The following CAMTA1 variants were observed in gnomAD, a reference collection of about 807,000 sequenced individuals.
CAMTA1 encodes the protein calmodulin-binding transcription activator 1.
In CAMTA1, 27 loss-of-function variants were observed where a neutral mutation model predicts 170.9. The observed-to-expected ratio is 0.16, with a 90% CI of 0.12 to 0.22. CAMTA1 has a LOEUF of 0.22. Ranked by LOEUF, CAMTA1 falls within the 10% of genes least tolerant of loss-of-function variation. The pLI is 1.00. For synonymous variants in CAMTA1, 833 were observed against 891.5 expected (o/e 0.93, Z 1.17); for missense variants, 1,619 against 2,217.2 (o/e 0.73, Z 5.42).
At chr1:7,082,296 G>A (rs1640115940) in intron 3 of CAMTA1, among the ~76,000 whole-genome samples, 1 of 152,110 alleles carries the variant, frequency 6.6e-6, no homozygotes, top group African/African-American at 2.4e-5. Context: ...AAATTAGCTG[G>A]ACATTGTGGT....
At chr1:7,651,286 A>G (rs2095847353) in intron 7 of CAMTA1, among the ~76,000 whole-genome samples, 1 of 152,142 alleles carries the variant, frequency 6.6e-6, no homozygotes, top group African/African-American at 2.4e-5. Context: ...AGCCCTCCAG[A>G]AAAGGACACT....
intron 3 of CAMTA1, among the ~76,000 whole-genome samples, chr1:6,954,875 C>T (rs1689166937): frequency 6.6e-6 from 1 of 152,082 alleles, no homozygotes; most frequent in African/African-American, 2.4e-5. Flanking sequence ...GGGGAGCAGC[C>T]TCGTCTATGG....
intron 6 of CAMTA1, among the ~76,000 whole-genome samples, chr1:7,536,327 T>C (rs904313440): frequency 1.1e-4 from 17 of 152,292 alleles, no homozygotes; most frequent in African/African-American, 4.1e-4. Context: ...ACTCAGCACT[T>C]TCAGGGTGAG....
chr1:7,459,387 G>C (rs1357097844), intron 5 of CAMTA1, among the ~76,000 whole-genome samples: 2 of 152,148 alleles, frequency 1.3e-5, no homozygotes, highest in Non-Finnish European at 2.9e-5. Context: ...CTGCGTTCAG[G>C]GTACCCTGGG....
At chr1:6,974,095 C>T (rs189800693) in intron 3 of CAMTA1, among the ~76,000 whole-genome samples, 20 of 152,302 alleles carry the variant, frequency 1.3e-4, no homozygotes, top group African/African-American at 4.6e-4. Context: ...CTGGAGCTTA[C>T]TGGGGGCCCA....
intron 5 of CAMTA1, among the ~76,000 whole-genome samples, chr1:7,363,268 A>G (rs1236567099): frequency 6.6e-6 from 1 of 152,238 alleles, no homozygotes; most frequent in African/African-American, 2.4e-5. Context: ...GTTCAGCTGC[A>G]GTGAATTCTT....
chr1:7,261,074 T>C (rs1283088288), intron 5 of CAMTA1, among the ~76,000 whole-genome samples: 1 of 152,204 alleles, frequency 6.6e-6, no homozygotes, highest in Non-Finnish European at 1.5e-5. Flanking sequence ...TATTATTAAA[T>C]CTGGAATGGG....
intron 21 of CAMTA1, 111 bp from the exon 22 acceptor site, chr1:7,755,527 C>G (rs2096925941): frequency 1.1e-6 from 1 of 882,412 alleles, no homozygotes; most frequent in South Asian, 1.5e-5. Context: ...TCTTTCTTTC[C>G]AAAAAAGAAA....
chr1:7,676,805 A>C (rs536925809), intron 10 of CAMTA1, among the ~76,000 whole-genome samples: 18 of 152,336 alleles, frequency 1.2e-4, no homozygotes, highest in African/African-American at 4.1e-4. Flanking sequence ...AGATGCCAAC[A>C]TGAGCCATGG....
chr1:7,155,588 A>G (rs1464407933), intron 4 of CAMTA1, among the ~76,000 whole-genome samples: 2 of 148,342 alleles, frequency 1.3e-5, no homozygotes, highest in Non-Finnish European at 3.0e-5. Flanking sequence ...GGGTGCCACC[A>G]TGCCTGGTTA....
intron 3 of CAMTA1, among the ~76,000 whole-genome samples, chr1:6,959,945 C>A (rs1405536750): frequency 9.2e-5 from 14 of 152,284 alleles, no homozygotes; most frequent in East Asian, 7.7e-4. Context: ...CACTCTTCAC[C>A]AGATCCTGCT....
chr1:7,109,653 A>G (rs2148359183), intron 4 of CAMTA1, among the ~76,000 whole-genome samples: 1 of 152,352 alleles, frequency 6.6e-6, no homozygotes, highest in Middle Eastern at 3.4e-3. Context: ...ATCCCTGTGC[A>G]ATCTGCAAAG....
intron 1 of CAMTA1, among the ~76,000 whole-genome samples, chr1:6,819,141 G>T (rs1646185479): frequency 6.6e-6 from 1 of 152,054 alleles, no homozygotes; most frequent in Non-Finnish European, 1.5e-5. Context: ...AAAATGTTGA[G>T]GGTGGTTGTT....
chr1:7,175,652 C>T (rs183795240), intron 4 of CAMTA1, among the ~76,000 whole-genome samples: 20 of 152,362 alleles, frequency 1.3e-4, no homozygotes, highest in Non-Finnish European at 2.9e-5. Flanking sequence ...CTGCAGCCAC[C>T]CCAGCCGCTT....
In CAMTA1 at chr1:7,246,387, G is replaced by A. The variant is rs115406410; in HGVS notation, c.303-3104G>A. Among the ~76,000 whole-genome samples the A allele has an allele frequency of 3.9e-3, 591 of 152,260 alleles. 5 individuals are homozygous for A. The highest frequency in any genetic ancestry group is 0.014 in the African/African-American group (578 of 41,544). ...GCAAGTGGCGTGCCCCACTGGTACC[G>A]GGCACACAGTAAATCAACAATAACT... On this transcript the variant is annotated intron_variant, in intron 4 of 22. Transcript: ENST00000303635.
chr1:7,155,420 C>G (rs548851208), intron 4 of CAMTA1, among the ~76,000 whole-genome samples: 1 of 150,966 alleles, frequency 6.6e-6, no homozygotes, highest in Non-Finnish European at 1.5e-5. Context: ...AAGAGTGGCG[C>G]CCACAGAGCA....
At chr1:7,157,344 C>CAAAAAAAAAAAAAAAA (rs57248086) in intron 4 of CAMTA1, among the ~76,000 whole-genome samples, 1 of 99,498 alleles carries the variant, frequency 1.0e-5, no homozygotes, top group Non-Finnish European at 1.9e-5. Flanking sequence ...GACTCTGTCT[C>CAAAAAAAAAAAAAAAA]AAAAAAAAAA....
intron 7 of CAMTA1, among the ~76,000 whole-genome samples, chr1:7,650,020 C>T (rs866354458): frequency 4.8e-4 from 73 of 152,268 alleles, no homozygotes; most frequent in African/African-American, 1.7e-3. Context: ...TGGCTTCCTG[C>T]GGCGCTACCT....
chr1:7,348,032 C>T (rs1388936446), intron 5 of CAMTA1, among the ~76,000 whole-genome samples: 1 of 152,180 alleles, frequency 6.6e-6, no homozygotes, highest in African/African-American at 2.4e-5. Flanking sequence ...AGGACTGGAC[C>T]TCACAGCAAG....
Sources: gnomAD v4.1 joint callset for allele counts (sites outside exome capture counted in the v4.1 genomes callset) on GRCh38, gnomAD v4.1.1 for gene constraint, MANE v1.5 for transcripts, NCBI Gene and HGNC (gene_info 2026-07-23, HGNC 2026-07-21) for gene names.